The following ANKRD30BL variants were observed in gnomAD, a reference collection of about 807,000 sequenced individuals.
ANKRD30BL encodes ankyrin repeat domain 30B like, also known as putative ankyrin repeat domain-containing protein 30B-like.
In ANKRD30BL, 20 loss-of-function variants were observed where a neutral mutation model predicts 18.4. That is an observed-to-expected ratio of 1.09 (90% confidence interval 0.77 to 1.58). The LOEUF (loss-of-function observed/expected upper bound fraction) is 1.58, where lower values mean the gene tolerates loss of function less well. Ranked by LOEUF, ANKRD30BL falls within the 40% of genes most tolerant of loss-of-function variation. The pLI is 0.00. For missense variants in ANKRD30BL, 224 were observed against 268.6 expected (o/e 0.83, Z 1.16); for synonymous variants, 72 against 100.9 (o/e 0.71, Z 1.72).
intron 1 of ANKRD30BL, among the ~76,000 whole-genome samples, chr2:132,254,997 C>G (rs1680784598): frequency 6.6e-6 from 1 of 152,300 alleles, no homozygotes; most frequent in South Asian, 2.1e-4. Context: ...TGGTGCCCTT[C>G]TGTCAATTCC....
intron 1 of ANKRD30BL, among the ~76,000 whole-genome samples, chr2:132,185,592 T>C (rs1389595783): frequency 6.6e-6 from 1 of 152,222 alleles, no homozygotes; most frequent in Non-Finnish European, 1.5e-5. Context: ...AAAGCAAGTC[T>C]TGATTTTAAG....
At chr2:132,238,811 G>A (rs1277706507) in intron 1 of ANKRD30BL, among the ~76,000 whole-genome samples, 2 of 152,030 alleles carry the variant, frequency 1.3e-5, no homozygotes, top group South Asian at 2.1e-4. Flanking sequence ...CTAGACAGAA[G>A]CATTCTCAGA....
rs1234393531 is a variant in ANKRD30BL at position 132,186,730 on chromosome 2, T to C, written n.442-29584A>G. Among the ~76,000 whole-genome samples the C allele has an allele frequency of 2.0e-5, 3 of 152,240 alleles. No individual in the cohort carries two copies. In the East Asian group the frequency reaches 5.8e-4, roughly 29 times the overall value. Reference sequence around the variant, plus strand: ...CACATACTGAGTATGGAATTACTATTATTTTTGTTTCCTTTATCAGAGGTA... The same window carrying C: ...CACATACTGAGTATGGAATTACTATCATTTTTGTTTCCTTTATCAGAGGTA... On this transcript the variant is annotated intron_variant and non_coding_transcript_variant, in intron 1 of 4. Coordinates refer to the ANKRD30BL transcript ENST00000470729.
intron 1 of ANKRD30BL, among the ~76,000 whole-genome samples, chr2:132,175,280 T>G (rs187618619): frequency 1.3e-5 from 2 of 151,602 alleles, no homozygotes; most frequent in Non-Finnish European, 2.9e-5. Flanking sequence ...CAAAAAAACA[T>G]GTGAGCAGAA....
In ANKRD30BL at chr2:132,213,496, A is replaced by T. The variant is rs560872643; in HGVS notation, n.441+44033T>A. ...ATATCTTCACTTAACAACTAGGCGG[A>T]AGCATTCTGAGAAACTTCTTTGTGT... On this transcript the variant is annotated intron_variant and non_coding_transcript_variant, in intron 1 of 4. Transcript: ENST00000470729. 5.9e-5 allele frequency among the ~76,000 whole-genome samples: 9 copies of T among 152,354 alleles called. No homozygotes were observed. In the South Asian group the frequency reaches 1.9e-3, roughly 32 times the overall value.
chr2:132,169,105 A>T (rs912725323), intron 1 of ANKRD30BL, among the ~76,000 whole-genome samples: 2 of 152,176 alleles, frequency 1.3e-5, no homozygotes, highest in African/African-American at 4.8e-5. Context: ...AACTGAAATT[A>T]TATCTTAAAT....
chr2:132,220,419 A>T (rs1288479051), intron 1 of ANKRD30BL, among the ~76,000 whole-genome samples: 1 of 150,824 alleles, frequency 6.6e-6, no homozygotes, highest in African/African-American at 2.4e-5. Flanking sequence ...GCCGAGCCAA[A>T]GCTGGACTGT....
chr2:132,257,000 A>C (rs1344756151), intron 1 of ANKRD30BL: 1 of 515,150 alleles, frequency 1.9e-6, no homozygotes, highest in Non-Finnish European at 3.9e-6. Flanking sequence ...CCAGGAAAAC[A>C]CGGCCACGGG....
At position 132,161,756 on chromosome 2, in the gene ANKRD30BL, C is replaced by T; in HGVS notation, c.-51G>A. On this transcript the variant is annotated 5_prime_UTR_variant, in exon 1 of 6. Transcript: ENST00000409867. ...CCCGTGCCTCCCGCTGCTCGCCCTT[C>T]CCCAGTCCCCGCCGCTCGCCCTCGC... 1 of 821,702 alleles carries T rather than the reference C, an allele frequency of 1.2e-6. No individual in the cohort carries two copies. The highest frequency in any genetic ancestry group is 2.1e-5 in the Admixed American group (1 of 47,002). The allele number at this position is 821,702 out of a possible 1,614,324, so 50.9% of individuals were successfully genotyped here.
At chr2:132,171,299 A>AT (rs1279691420) in intron 1 of ANKRD30BL, among the ~76,000 whole-genome samples, 2 of 152,214 alleles carry the variant, frequency 1.3e-5, no homozygotes, top group East Asian at 3.8e-4. Context: ...TAAAACATGT[A>AT]TTTTTAGTGT....
chr2:132,162,392 T>C (rs79325184), upstream of ANKRD30BL, among the ~76,000 whole-genome samples: 2 of 150,924 alleles, frequency 1.3e-5, no homozygotes, highest in South Asian at 4.2e-4. Context: ...GGCTACAGGG[T>C]TGGGCCCAGA....
At chr2:132,162,942 G>A (rs912213219), upstream of ANKRD30BL, among the ~76,000 whole-genome samples, 6 of 152,182 alleles carry the variant, frequency 3.9e-5, no homozygotes, top group African/African-American at 1.4e-4. Context: ...GGCACGGATG[G>A]CGGGTCCCGT....
chr2:132,233,628 A>G (rs1332249755), intron 1 of ANKRD30BL, among the ~76,000 whole-genome samples: 4 of 151,374 alleles, frequency 2.6e-5, no homozygotes, highest in African/African-American at 7.3e-5. Context: ...TTCAACAAGA[A>G]GAGCTAACTA....
At chr2:132,159,568 G>T (rs1443465597) in intron 1 of ANKRD30BL, among the ~76,000 whole-genome samples, 1 of 152,086 alleles carries the variant, frequency 6.6e-6, no homozygotes, top group Non-Finnish European at 1.5e-5. Flanking sequence ...TTTTAGATCT[G>T]CAATTTATAT....
At position 132,147,789 on chromosome 2, in the gene ANKRD30BL, G is replaced by T. The variant is rs939701218; in HGVS notation, c.*342C>A. 2.0e-5 allele frequency: 6 copies of T among 301,646 alleles called. No homozygotes were observed. The highest frequency in any genetic ancestry group is 8.6e-5 in the African/African-American group (4 of 46,748). The allele number at this position is 301,646 out of a possible 1,614,324, so 18.7% of individuals were successfully genotyped here. A position where few individuals can be genotyped will look rare whatever the true frequency, so the allele number is the denominator to read the frequency against. On this transcript the variant is annotated 3_prime_UTR_variant, in exon 6 of 6. Coordinates refer to ENST00000409867, the MANE Select transcript of ANKRD30BL (RefSeq NM_001358416.1). ...CAGATTGGCTATTTAAAGAGGGCAG[G>T]GGTATGAGCTGGAGTGGCAGGGTGA...
chr2:132,175,178 A>T (rs112072321), intron 1 of ANKRD30BL, among the ~76,000 whole-genome samples: 5,776 of 143,640 alleles, frequency 0.04, 371 homozygotes, highest in African/African-American at 0.14. Context: ...CCAGCACCGG[A>T]CTCTGAGTTC....
chr2:132,166,519 T>C (rs1456290312), upstream of ANKRD30BL, among the ~76,000 whole-genome samples: 1 of 152,130 alleles, frequency 6.6e-6, no homozygotes, highest in Non-Finnish European at 1.5e-5. Context: ...CTTTTGTGAG[T>C]ATTGGCATAT....
upstream of ANKRD30BL, among the ~76,000 whole-genome samples, chr2:132,163,161 G>A (rs1688119192): frequency 6.6e-6 from 1 of 152,178 alleles, no homozygotes; most frequent in Admixed American, 6.5e-5. Flanking sequence ...TATCTATAAA[G>A]ACTTCCAGGC....
chr2:132,154,096 C>T (rs1201954691), intron 4 of ANKRD30BL, among the ~76,000 whole-genome samples: 2 of 152,146 alleles, frequency 1.3e-5, no homozygotes, highest in East Asian at 3.9e-4. Flanking sequence ...GTCCTGAGTA[C>T]CTGGGACTAC....
Sources: gnomAD v4.1 joint callset for allele counts (sites outside exome capture counted in the v4.1 genomes callset) on GRCh38, gnomAD v4.1.1 for gene constraint, MANE v1.5 for transcripts, NCBI Gene and HGNC (gene_info 2026-07-23, HGNC 2026-07-21) for gene names.